The following CCSER1 variants were observed in gnomAD, a reference collection of about 807,000 sequenced individuals.
CCSER1 encodes the protein serine-rich coiled-coil domain-containing protein 1.
CCSER1 carries 41 observed loss-of-function variants against 82.0 expected under a neutral mutation model. The ratio of observed to expected loss-of-function variants is 0.50; its 90% CI spans 0.39 to 0.65. The LOEUF (loss-of-function observed/expected upper bound fraction) is 0.65, where lower values mean the gene tolerates loss of function less well. Among genes scored for constraint, CCSER1 ranks in the 30% least tolerant of loss-of-function variants. The probability of loss-of-function intolerance (pLI) is 0.00; values close to 1 mark genes in which losing one functional copy is unlikely to be tolerated. For synonymous variants in CCSER1, 414 were observed against 383.9 expected, an observed-to-expected ratio of 1.08 and a Z score of -0.92; for missense variants, 1,119 against 1,064.2, an observed-to-expected ratio of 1.05 and a Z score of -0.72.
chr4:91,107,022 T>G (rs1725684312), intron 10 of CCSER1, among the ~76,000 whole-genome samples: 3 of 152,214 alleles, frequency 2.0e-5, no homozygotes, highest in Admixed American at 6.5e-5. Flanking sequence ...TTTTTATCTT[T>G]GATAACATAT....
chr4:91,501,467 T>C (rs1353640036), intron 10 of CCSER1, among the ~76,000 whole-genome samples: 1 of 152,020 alleles, frequency 6.6e-6, no homozygotes, highest in Non-Finnish European at 1.5e-5. Context: ...ACATTTTACA[T>C]TTACTTCTGC....
At chr4:90,584,314 T>C (rs1275377642) in intron 5 of CCSER1, among the ~76,000 whole-genome samples, 2 of 152,200 alleles carry the variant, frequency 1.3e-5, no homozygotes, top group Non-Finnish European at 2.9e-5. Flanking sequence ...GTAGCTTTGC[T>C]AGCTTGAAGA....
At chr4:91,262,209 T>C (rs1741245889) in intron 10 of CCSER1, among the ~76,000 whole-genome samples, 1 of 102,326 alleles carries the variant, frequency 9.8e-6, no homozygotes, top group African/African-American at 5.6e-5. Context: ...AACCTTGGGC[T>C]CTCAAACCTT....
chr4:91,210,056 G>A (rs1736681308), intron 10 of CCSER1, among the ~76,000 whole-genome samples: 1 of 151,618 alleles, frequency 6.6e-6, no homozygotes. Flanking sequence ...GATGAATCTG[G>A]AATATCTTAT....
intron 1 of CCSER1, among the ~76,000 whole-genome samples, chr4:90,196,325 C>T (rs7695158): frequency 0.56 from 84,746 of 151,188 alleles, 24,287 homozygotes; most frequent in African/African-American, 0.68. Flanking sequence ...GAGTCTGTAA[C>T]GTACTGTCCA....
intron 9 of CCSER1, among the ~76,000 whole-genome samples, chr4:90,968,710 C>A (rs11097286): frequency 0.33 from 50,303 of 151,754 alleles, 9,551 homozygotes; most frequent in Middle Eastern, 0.48. Context: ...ATGATAAATT[C>A]TACAGGAAGT....
chr4:90,901,658 T>G (rs1429988153), intron 8 of CCSER1, among the ~76,000 whole-genome samples: 1 of 152,044 alleles, frequency 6.6e-6, no homozygotes, highest in Non-Finnish European at 1.5e-5. Flanking sequence ...CAGCTGTTAG[T>G]CTAATGGGAT....
At chr4:90,529,740 CAT>C (rs959700557) in intron 5 of CCSER1, among the ~76,000 whole-genome samples, 6 of 151,912 alleles carry the variant, frequency 3.9e-5, no homozygotes, top group Non-Finnish European at 5.9e-5. Flanking sequence ...AAAATAATAA[CAT>C]AAATTTTCAT....
intron 6 of CCSER1, among the ~76,000 whole-genome samples, chr4:90,696,544 C>T (rs181899230): frequency 3.4e-4 from 51 of 152,112 alleles, no homozygotes; most frequent in Admixed American, 6.6e-4. Context: ...AATTGAATAA[C>T]GATGGTAATT....
intron 8 of CCSER1, among the ~76,000 whole-genome samples, chr4:90,914,790 A>G (rs1249854042): frequency 6.6e-6 from 1 of 152,114 alleles, no homozygotes; most frequent in Admixed American, 6.5e-5. Context: ...AGAAGAAAAG[A>G]GAGAAGATTC....
intron 4 of CCSER1, among the ~76,000 whole-genome samples, chr4:90,415,995 G>T (rs1473114921): frequency 1.3e-5 from 2 of 152,120 alleles, no homozygotes; most frequent in African/African-American, 4.8e-5. Flanking sequence ...GTTGATGGGA[G>T]TAGAACTAGC....
chr4:91,046,331 T>C (rs1341777400), intron 9 of CCSER1, among the ~76,000 whole-genome samples: 1 of 149,034 alleles, frequency 6.7e-6, no homozygotes, highest in African/African-American at 2.4e-5. Context: ...TCTATGTATG[T>C]ATAGTTTTTC....
intron 10 of CCSER1, among the ~76,000 whole-genome samples, chr4:91,266,230 G>T (rs1455655822): frequency 2.6e-5 from 4 of 151,574 alleles, no homozygotes; most frequent in African/African-American, 9.7e-5. Context: ...ACTTAAGCTG[G>T]TTGTTTTTTT....
At chr4:90,391,586 A>G (rs1235610897) in intron 3 of CCSER1, among the ~76,000 whole-genome samples, 1 of 147,980 alleles carries the variant, frequency 6.8e-6, no homozygotes, top group African/African-American at 2.5e-5. Context: ...TAGTAATAAT[A>G]GCCATTTTAA....
chr4:91,036,022 G>A (rs748018752), intron 9 of CCSER1, among the ~76,000 whole-genome samples: 29 of 152,296 alleles, frequency 1.9e-4, no homozygotes, highest in African/African-American at 5.8e-4. Context: ...CACAGGAGTC[G>A]GATGTGGGCA....
rs372765961 is a variant in CCSER1 at position 91,260,800 on chromosome 4, G to A, written c.2217+174806G>A. Among the ~76,000 whole-genome samples the A allele has an allele frequency of 1.9e-4, 29 of 151,570 alleles. 1 individual carries two copies. Among genetic ancestry groups the A allele is most frequent in the Middle Eastern group, 3.4e-3 (1 of 294 alleles). On this transcript the variant is annotated intron_variant, in intron 10 of 10. Transcript: ENST00000509176. ...TTTTGAGAGGGAGTCTCACTCAGTC[G>A]CCCAGGCTAGCGTGCAATGGCGCGA...
chr4:91,460,322 T>A (rs1467920393), intron 10 of CCSER1, among the ~76,000 whole-genome samples: 7 of 152,126 alleles, frequency 4.6e-5, no homozygotes, highest in Non-Finnish European at 8.8e-5. Context: ...TGTTGGATTT[T>A]CGGCATCCAG....
intron 10 of CCSER1, among the ~76,000 whole-genome samples, chr4:91,275,137 T>A (rs1443485045): frequency 1.3e-5 from 2 of 151,998 alleles, no homozygotes; most frequent in African/African-American, 4.8e-5. Flanking sequence ...TTTATTTTCC[T>A]CTGCCTAAGT....
chr4:91,581,229 G>T (rs1235923960), intron 10 of CCSER1, among the ~76,000 whole-genome samples: 2 of 151,664 alleles, frequency 1.3e-5, no homozygotes, highest in Non-Finnish European at 3.0e-5. Context: ...TTCCTTTTAA[G>T]TCTATTTCTT....
Sources: allele counts gnomAD v4.1 joint callset (sites outside exome capture counted in the v4.1 genomes callset), GRCh38; gene constraint gnomAD v4.1.1; transcripts MANE v1.5; gene names NCBI Gene and HGNC (gene_info 2026-07-23, HGNC 2026-07-21).